TPGS1: variants seen among roughly 807,000 people sequenced by gnomAD.
TPGS1 encodes tubulin polyglutamylase complex subunit 1, also known as gene trap ROSA b-geo 22.
In TPGS1, 18 loss-of-function variants were observed where a neutral mutation model predicts 11.9. The observed-to-expected ratio is 1.51, with a 90% confidence interval of 1.04 to 2.24. The LOEUF (loss-of-function observed/expected upper bound fraction) is 2.24. Among genes scored for constraint, TPGS1 ranks in the 30% most tolerant of loss-of-function variants. TPGS1 has a pLI of 0.00. For synonymous variants in TPGS1, 247 were observed against 218.2 expected (o/e 1.13, Z -1.16); for missense variants, 500 against 443.0 (o/e 1.13, Z -1.16).
chr19:507,829 C>A lies in TPGS1; in HGVS notation c.323C>A (p.Ala108Asp), dbSNP rs992613645. 1 of 1,345,754 alleles carries A rather than the reference C, an allele frequency of 7.4e-7. No homozygotes were observed. Among genetic ancestry groups the A allele is most frequent in the Non-Finnish European group, 9.5e-7 (1 of 1,050,826 alleles). 83.4% of individuals were successfully genotyped at this position (1,345,754 alleles called of 1,614,324 possible). A position where few individuals can be genotyped will look rare whatever the true frequency, so the allele number is the denominator to read the frequency against. The change falls in exon 1 of 2, where the codon GCC (alanine) becomes GAC (aspartate). Residue 108 changes from alanine (A) to aspartate (D), a missense_variant. By Grantham distance (126) the Ala-to-Asp change is moderately radical. Transcript: ENST00000359315. ...CGCGCGCTATGGCACCTTCGCCTGG[C>A]CCACCACTCCCAGAGGTGCGCAGTG... ...LGRALWHLRL[A>D]HHSQRAAFNN...
At chr19:516,486 G>T (rs1280607839) in intron 1 of TPGS1, among the ~76,000 whole-genome samples, 1 of 151,686 alleles carries the variant, frequency 6.6e-6, no homozygotes, top group Non-Finnish European at 1.5e-5. Context: ...CCAGGTTCAA[G>T]CGATTCTCCT....
At position 507,605 on chromosome 19, in the gene TPGS1, G is replaced by C; in HGVS notation, c.99G>C (p.Glu33Asp). Residue 33 changes from glutamate (E) to aspartate (D), a missense_variant, in exon 1 of 2, where the codon GAG becomes GAC. Physicochemically the swap from Glu to Asp is conservative, Grantham distance 45 (BLOSUM62 2). Coordinates refer to ENST00000359315, the MANE Select transcript of TPGS1 (RefSeq NM_033513.3). ...TATCCCGGGCGGCGGGGGCGGCCGA[G>C]AGCGAGGAGGACTTCCTGCGGCAGG... Reference protein sequence around the residue: ...QSVSRAAGAAESEEDFLRQVG... With the variant: ...QSVSRAAGAADSEEDFLRQVG... 2 of 1,399,806 alleles carry C rather than the reference G, an allele frequency of 1.4e-6. No individual in the cohort carries two copies. The highest frequency in any genetic ancestry group is 1.5e-5 in the South Asian group (1 of 66,066). The allele number at this position is 1,399,806 out of a possible 1,614,324, so 86.7% of individuals were successfully genotyped here.
intron 1 of TPGS1, among the ~76,000 whole-genome samples, chr19:512,954 T>G (rs1383520897): frequency 6.6e-6 from 1 of 152,194 alleles, no homozygotes; most frequent in Non-Finnish European, 1.5e-5. Context: ...CGGGTTCCCC[T>G]GCGGGGGACT....
intron 1 of TPGS1, among the ~76,000 whole-genome samples, chr19:515,975 T>G (rs1294912096): frequency 7.0e-6 from 1 of 143,144 alleles, no homozygotes; most frequent in Non-Finnish European, 1.5e-5. Context: ...GAGCTTGCAG[T>G]GAGCCGAGAT....
At chr19:518,858 C>T (rs1194843534) in intron 1 of TPGS1, 31 bp from the exon 2 acceptor site, 1 of 1,483,620 alleles carries the variant, frequency 6.7e-7, no homozygotes, top group East Asian at 2.5e-5. Flanking sequence ...CGCGCGGTCT[C>T]TGCCGGCCCC....
chr19:515,001 C>T (rs997178250), intron 1 of TPGS1, among the ~76,000 whole-genome samples: 2 of 152,230 alleles, frequency 1.3e-5, no homozygotes, highest in African/African-American at 4.8e-5. Context: ...ACCCCAGAGC[C>T]GGCAGCAGGG....
chr19:514,181 C>T (rs905970438), intron 1 of TPGS1, among the ~76,000 whole-genome samples: 2 of 151,820 alleles, frequency 1.3e-5, no homozygotes, highest in Non-Finnish European at 2.9e-5. Context: ...ATTTACTGAG[C>T]ACCTATTGCA....
chr19:511,055 C>T (rs748049645), intron 1 of TPGS1, among the ~76,000 whole-genome samples: 15 of 152,274 alleles, frequency 9.9e-5, no homozygotes, highest in Non-Finnish European at 1.5e-4. Flanking sequence ...AGAATCTTTC[C>T]TGTATTAACA....
chr19:510,543 G>C (rs56809974), intron 1 of TPGS1, among the ~76,000 whole-genome samples: 7,821 of 152,186 alleles, frequency 0.051, 655 homozygotes, highest in African/African-American at 0.18. Flanking sequence ...TTGAGAAATG[G>C]CAAGCTCCGG....
chr19:512,496 A>G (rs535776208), intron 1 of TPGS1, among the ~76,000 whole-genome samples: 3 of 151,672 alleles, frequency 2.0e-5, no homozygotes, highest in Admixed American at 2.0e-4. Context: ...TGATCTTGAC[A>G]CGCACCTGCA....
chr19:519,472 T>C lies in TPGS1; in HGVS notation c.*49T>C. 9.3e-6 allele frequency: 11 copies of C among 1,177,026 alleles called. No homozygotes were observed. Among genetic ancestry groups the C allele is most frequent in the Non-Finnish European group, 1.2e-5 (11 of 951,160 alleles). 72.9% of individuals were successfully genotyped at this position (1,177,026 alleles called of 1,614,324 possible). On this transcript the variant is annotated 3_prime_UTR_variant, in exon 2 of 2. Coordinates refer to ENST00000359315, the MANE Select transcript of TPGS1 (RefSeq NM_033513.3). ...GGATCTGCGCTGGGGGGTCCCCGCGTGCGGGGCGCGCGGAGCCTTCCCTTC... is the reference window on the plus strand; with the variant it reads ...GGATCTGCGCTGGGGGGTCCCCGCGCGCGGGGCGCGCGGAGCCTTCCCTTC...
At chr19:512,933 C>T (rs976643912) in intron 1 of TPGS1, among the ~76,000 whole-genome samples, 1 of 152,248 alleles carries the variant, frequency 6.6e-6, no homozygotes, top group Non-Finnish European at 1.5e-5. Flanking sequence ...CAGCCGCTGC[C>T]AAGAGCCGCG....
intron 1 of TPGS1, among the ~76,000 whole-genome samples, chr19:511,033 C>T (rs1052423447): frequency 2.2e-4 from 34 of 152,260 alleles, no homozygotes; most frequent in African/African-American, 7.5e-4. Context: ...TTTCTGGAGA[C>T]GTTCCATAAA....
At chr19:513,371 T>C (rs375737577) in intron 1 of TPGS1, among the ~76,000 whole-genome samples, 38 of 152,196 alleles carry the variant, frequency 2.5e-4, no homozygotes, top group African/African-American at 8.7e-4. Context: ...GGGCCTAGAG[T>C]TGAATTGCAG....
intron 1 of TPGS1, chr19:510,244 G>T (rs934293202): frequency 6.6e-6 from 1 of 152,124 alleles, no homozygotes; most frequent in East Asian, 1.9e-4. Flanking sequence ...GTGGTGGCGG[G>T]CGCCTGTAGT....
At chr19:512,507 A>G (rs982052586) in intron 1 of TPGS1, among the ~76,000 whole-genome samples, 3 of 152,088 alleles carry the variant, frequency 2.0e-5, no homozygotes, top group African/African-American at 7.2e-5. Flanking sequence ...CGCACCTGCA[A>G]TCATGACCAC....
chr19:508,001 G>T (rs1396050574), intron 1 of TPGS1, 157 bp downstream of exon 1: 5 of 560,454 alleles, frequency 8.9e-6, no homozygotes, highest in Non-Finnish European at 1.3e-5. Context: ...GATCGGACAA[G>T]GTGGGCTGGA....
At position 513,602 on chromosome 19, in the gene TPGS1, G is replaced by A. The variant is rs909090060; in HGVS notation, c.339-5287G>A. Among the ~76,000 whole-genome samples, 7 of 66,948 alleles carry A rather than the reference G, an allele frequency of 1.0e-4. No individual in the cohort carries two copies. The Admixed American group carries it at 1.1e-3, about 11-fold the overall frequency. The allele number at this position is 66,948 out of a possible 152,430, so 43.9% of individuals were successfully genotyped here. A position where few individuals can be genotyped will look rare whatever the true frequency, so the allele number is the denominator to read the frequency against. ...ATTTACTGAGCACCTACTGCATGCC[G>A]GCCCTGCATTACTGAACACCTACTG... On this transcript the variant is annotated intron_variant, in intron 1 of 1. Transcript: ENST00000359315.
intron 1 of TPGS1, among the ~76,000 whole-genome samples, chr19:510,815 A>G (rs1413468513): frequency 6.6e-6 from 1 of 152,218 alleles, no homozygotes; most frequent in Non-Finnish European, 1.5e-5. Flanking sequence ...ACGAAGCCCC[A>G]GCTGATCTGG....
Sources: allele counts gnomAD v4.1 joint callset (sites outside exome capture counted in the v4.1 genomes callset), GRCh38; gene constraint gnomAD v4.1.1; transcripts MANE v1.5; gene names NCBI Gene and HGNC (gene_info 2026-07-23, HGNC 2026-07-21).